GYS1: variants seen among roughly 807,000 people sequenced by gnomAD.
GYS1 encodes the protein glycogen synthase 1, also known as glycogen [starch] synthase, muscle.
In GYS1, 60 loss-of-function variants were observed where a neutral mutation model predicts 89.1. The observed-to-expected ratio is 0.67, with a 90% CI of 0.55 to 0.84. The LOEUF (loss-of-function observed/expected upper bound fraction) is 0.84. GYS1 is among the 40% of genes least tolerant of loss of function. The pLI, the probability that GYS1 is intolerant of heterozygous loss-of-function variation, is 0.00. For missense variants in GYS1, 888 were observed against 1,003.1 expected (o/e 0.89, Z 1.55); for synonymous variants, 366 against 401.7 (o/e 0.91, Z 1.06).
rs1321136639 is a variant in GYS1, at chr19:48,993,143, C to A, written c.-31G>T. 7.8e-7 allele frequency: 1 copy of A among 1,274,760 alleles called. No homozygotes were observed. Among genetic ancestry groups the A allele is most frequent in the Admixed American group, 1.7e-5 (1 of 59,586 alleles). 79.0% of individuals were successfully genotyped at this position (1,274,760 alleles called of 1,614,324 possible). On this transcript the variant is annotated 5_prime_UTR_variant, in exon 1 of 16. Coordinates refer to ENST00000323798, the MANE Select transcript of GYS1 (RefSeq NM_002103.5). Reference sequence around the variant, plus strand: ...GCGCAGGAAGGGGGGCTCCGGGGATCTCCAGGTAGGGACCCCGGAGGTGTC... The same window carrying A: ...GCGCAGGAAGGGGGGCTCCGGGGATATCCAGGTAGGGACCCCGGAGGTGTC...
In GYS1 at chr19:48,970,659, G is replaced by T; in HGVS notation, c.1696C>A (p.Gln566Lys). 1 of 1,613,986 alleles carries T rather than the reference G, an allele frequency of 6.2e-7. No individual in the cohort carries two copies. The change falls in exon 14 of 16, where the codon CAG (glutamine) becomes AAG (lysine). Residue 566 changes from glutamine (Q) to lysine (K), a missense_variant. Physicochemically the swap from Gln to Lys is moderately conservative, Grantham distance 53. Coordinates refer to ENST00000323798, the MANE Select transcript of GYS1 (RefSeq NM_002103.5). ...AAACTGTAGAGGAAGGAGGTGAGCT[G>T]CGAGCAGGAATCATCCAGGCTGCGG... ...RFRSLDDSCS[Q>K]LTSFLYSFCQ... is the part of the protein sequence containing the mutation.
At chr19:48,979,997 T>C (rs538038519) in intron 8 of GYS1, among the ~76,000 whole-genome samples, 1 of 152,054 alleles carries the variant, frequency 6.6e-6, no homozygotes, top group Non-Finnish European at 1.5e-5. Flanking sequence ...TAGGCTGGAG[T>C]GCAGTGGCGC....
chr19:48,977,539 G>A (rs1396367087), intron 10 of GYS1, among the ~76,000 whole-genome samples: 1 of 152,188 alleles, frequency 6.6e-6, no homozygotes, highest in Non-Finnish European at 1.5e-5. Flanking sequence ...GTTGCAGTGA[G>A]CCGAGATCGT....
chr19:48,970,478 C>T (rs566032681), intron 14 of GYS1, 68 bp downstream of exon 14: 2 of 1,352,952 alleles, frequency 1.5e-6, no homozygotes, highest in Non-Finnish European at 2.1e-6. Context: ...ACCCTGCACC[C>T]TGCACCAAAG....
At chr19:48,983,462 G>A (rs548918722) in intron 5 of GYS1, among the ~76,000 whole-genome samples, 252 of 152,240 alleles carry the variant, frequency 1.7e-3, no homozygotes, top group Non-Finnish European at 3.0e-3. Context: ...TTTCCTCTTA[G>A]CCCACCCTGA....
intron 2 of GYS1, 37 bp from the exon 3 acceptor site, chr19:48,987,422 T>A (rs1166565465): frequency 9.3e-6 from 14 of 1,498,678 alleles, no homozygotes; most frequent in Non-Finnish European, 1.3e-5. Flanking sequence ...AGGGAGGCTC[T>A]GGGCTTCAGC....
Position 48,991,783 on chromosome 19 carries a change from C to T in GYS1, c.119-300G>A, listed in dbSNP as rs1170585930. Reference sequence around the variant, plus strand: ...AGAGAGAAGGGGCTGGGTGCCGGGACCCCTTGGTCTGAAGGAATTAGGCAC... The same window carrying T: ...AGAGAGAAGGGGCTGGGTGCCGGGATCCCTTGGTCTGAAGGAATTAGGCAC... On this transcript the variant is annotated intron_variant, in intron 1 of 15. Transcript: ENST00000323798. The surrounding 1 kb of genome is among the most constrained non-coding windows in gnomAD (Gnocchi z 4.7). Among the ~76,000 whole-genome samples, 1 of 152,008 alleles carries T rather than the reference C, an allele frequency of 6.6e-6. No homozygotes were observed. Among genetic ancestry groups the T allele is most frequent in the African/African-American group, 2.4e-5 (1 of 41,364 alleles).
At chr19:48,980,163 A>G (rs1392786330) in intron 8 of GYS1, among the ~76,000 whole-genome samples, 2 of 152,072 alleles carry the variant, frequency 1.3e-5, no homozygotes, top group Non-Finnish European at 2.9e-5. Context: ...CCGCGTCTCA[A>G]TCATGCCTCG....
chr19:48,979,336 C>CTTTTTTT lies in GYS1; in HGVS notation c.1170-1186_1170-1180dup, dbSNP rs777178030. On this transcript the variant is annotated intron_variant, in intron 8 of 15. Transcript: ENST00000323798. ...TTTGTCTCTTTTTCTTTTTTCTTTT[C>CTTTTTTT]TTTTTTTTTTTTTTTTTTTTTTTTT... 1.4e-3 allele frequency among the ~76,000 whole-genome samples: 132 copies of CTTTTTTT among 92,662 alleles called. 12 individuals carry two copies. Among genetic ancestry groups the CTTTTTTT allele is most frequent in the East Asian group, 2.7e-3 (9 of 3,346 alleles). 60.8% of individuals were successfully genotyped at this position (92,662 alleles called of 152,430 possible).
At chr19:48,971,305 T>C (rs1047448373) in intron 12 of GYS1, among the ~76,000 whole-genome samples, 3 of 152,212 alleles carry the variant, frequency 2.0e-5, no homozygotes, top group Non-Finnish European at 4.4e-5. Flanking sequence ...CAATATCCAT[T>C]TGACTTAACT....
At chr19:48,970,894 C>T in intron 13 of GYS1, 34 bp downstream of exon 13, 2 of 1,539,572 alleles carry the variant, frequency 1.3e-6, no homozygotes, top group South Asian at 2.2e-5. Flanking sequence ...TTCTCAAGCC[C>T]CCTTCCAGAA....
rs963596069 is a variant in GYS1 at position 48,993,252 on chromosome 19, G to A, written c.-140C>T. 1 of 751,346 alleles carries A rather than the reference G, an allele frequency of 1.3e-6. No homozygotes were observed. Among genetic ancestry groups the A allele is most frequent in the Non-Finnish European group, 2.4e-6 (1 of 411,202 alleles). The allele number at this position is 751,346 out of a possible 1,614,324, so 46.5% of individuals were successfully genotyped here. ...CAAGACGCTCGGCTTCCTATTGCAAGACCGCACCCCTGCCCCGAAGCGTTG... is the reference window on the plus strand; with the variant it reads ...CAAGACGCTCGGCTTCCTATTGCAAAACCGCACCCCTGCCCCGAAGCGTTG... On this transcript the variant is annotated 5_prime_UTR_variant, in exon 1 of 16. Coordinates refer to ENST00000323798, the MANE Select transcript of GYS1 (RefSeq NM_002103.5).
rs143143116 is a variant in GYS1 at position 48,968,883 on chromosome 19, G to A, written c.*405C>T. ...TCCAGAACTTGGTGGCCCGCATGCCGGGCCTGAGCGTGGCCTGCTCTGTAT... is the reference window on the plus strand; with the variant it reads ...TCCAGAACTTGGTGGCCCGCATGCCAGGCCTGAGCGTGGCCTGCTCTGTAT... On this transcript the variant is annotated 3_prime_UTR_variant, in exon 16 of 16. Coordinates refer to ENST00000323798, the MANE Select transcript of GYS1 (RefSeq NM_002103.5). 60 of 471,760 alleles carry A rather than the reference G, an allele frequency of 1.3e-4. No homozygotes were observed. The East Asian group carries it at 2.7e-3, about 21-fold the overall frequency. 29.2% of individuals were successfully genotyped at this position (471,760 alleles called of 1,614,324 possible).
chr19:48,968,296 G>A lies in GYS1; in HGVS notation c.*992C>T, dbSNP rs941646829. Reference sequence around the variant, plus strand: ...TGAAGGCAGGGCACAGTTTGGGGATGGAAGAGCCTCGAGGTAAATGTGGGG... The same window carrying A: ...TGAAGGCAGGGCACAGTTTGGGGATAGAAGAGCCTCGAGGTAAATGTGGGG... On this transcript the variant is annotated 3_prime_UTR_variant, in exon 16 of 16. Coordinates refer to ENST00000323798, the MANE Select transcript of GYS1 (RefSeq NM_002103.5). 1 of 454,504 alleles carries A rather than the reference G, an allele frequency of 2.2e-6. No individual in the cohort carries two copies. Among genetic ancestry groups the A allele is most frequent in the Admixed American group, 2.3e-5 (1 of 42,574 alleles). The allele number at this position is 454,504 out of a possible 1,614,324, so 28.2% of individuals were successfully genotyped here. A position where few individuals can be genotyped will look rare whatever the true frequency, so the allele number is the denominator to read the frequency against.
intron 10 of GYS1, among the ~76,000 whole-genome samples, chr19:48,975,892 A>G (rs2122482249): frequency 1.4e-5 from 2 of 147,230 alleles, no homozygotes; most frequent in South Asian, 4.4e-4. Flanking sequence ...AGCCTGGGCG[A>G]CAGAGCGAGA....
intron 12 of GYS1, 88 bp downstream of exon 12, chr19:48,974,125 G>T: frequency 7.2e-7 from 1 of 1,389,674 alleles, no homozygotes; most frequent in Non-Finnish European, 1.0e-6. Flanking sequence ...AAGGCAACAG[G>T]CTCAGAGAAG....
In GYS1 at chr19:48,969,374, A is replaced by T; in HGVS notation, c.2128T>A (p.Ser710Thr). Residue 710 changes from serine (S) to threonine (T), a missense_variant, in exon 16 of 16, where the codon TCT becomes ACT. Ser to Thr is a moderately conservative substitution (Grantham distance 58). Transcript: ENST00000323798. ...TSSTSGSKRN[S>T]VDTATSSSLS... ...GAGCTGGAGGTGGCCGTGTCCACAG[A>T]GTTGCGCTTGCTGCCGCTGGTGGAG... 6.3e-7 allele frequency: 1 copy of T among 1,578,194 alleles called. No individual in the cohort carries two copies. The highest frequency in any genetic ancestry group is 8.6e-7 in the Non-Finnish European group (1 of 1,167,022).
At position 48,969,789 on chromosome 19, in the gene GYS1, T is replaced by A; in HGVS notation, c.1876A>T (p.Asn626Tyr). 6.2e-7 allele frequency: 1 copy of A among 1,613,956 alleles called. No individual in the cohort carries two copies. The highest frequency in any genetic ancestry group is 8.5e-7 in the Non-Finnish European group (1 of 1,179,910). ...AFPEHFTYEP[N>Y]EADAAQGYRY... is the part of the protein sequence containing the mutation. ...GGTCCACTCACCGCATCCGCCTCGT[T>A]GGGCTCGTAGGTGAAGTGCTCTGGA... Residue 626 changes from asparagine to tyrosine, a missense_variant, in exon 15 of 16, where the codon AAC (asparagine) becomes TAC (tyrosine). Transcript: ENST00000323798.
At chr19:48,986,157 A>G in intron 3 of GYS1, 122 bp from the exon 4 acceptor site, 1 of 860,484 alleles carries the variant, frequency 1.2e-6, no homozygotes, top group Non-Finnish European at 1.9e-6. Flanking sequence ...CAGAGTGGGC[A>G]GCGGCCCACT....
Sources: allele counts gnomAD v4.1 joint callset (sites outside exome capture counted in the v4.1 genomes callset), GRCh38; gene constraint gnomAD v4.1.1; non-coding constraint Gnocchi (gnomAD v3.1); transcripts MANE v1.5; gene names NCBI Gene and HGNC (gene_info 2026-07-23, HGNC 2026-07-21).